The following WNK2 variants were observed in gnomAD, a reference collection of about 807,000 sequenced individuals.
WNK2 encodes the protein WNK lysine deficient protein kinase 2, also known as serine/threonine-protein kinase WNK2.
In WNK2, 67 loss-of-function variants were observed where a neutral mutation model predicts 192.1. The observed-to-expected ratio is 0.35, with a 90% CI of 0.29 to 0.43. The LOEUF (loss-of-function observed/expected upper bound fraction) is 0.43. WNK2 is among the 20% of genes least tolerant of loss of function. WNK2 has a pLI of 1.00. For missense variants in WNK2, 2,698 were observed against 3,089.7 expected, an observed-to-expected ratio of 0.87 and a Z score of 3.01; for synonymous variants, 1,439 against 1,393.9, an observed-to-expected ratio of 1.03 and a Z score of -0.72.
At chr9:93,201,483 C>T (rs1425773850) in intron 2 of WNK2, among the ~76,000 whole-genome samples, 2 of 152,246 alleles carry the variant, frequency 1.3e-5, no homozygotes, top group Non-Finnish European at 2.9e-5. Flanking sequence ...GCTCATTCTT[C>T]CTGCTGTAGA....
At chr9:93,256,549 C>G (rs1280998242) in intron 10 of WNK2, 95 bp downstream of exon 10, 2 of 1,365,940 alleles carry the variant, frequency 1.5e-6, no homozygotes, top group Admixed American at 5.8e-5. Context: ...TCCCACAGAC[C>G]CTTCGCTCAA....
intron 2 of WNK2, among the ~76,000 whole-genome samples, chr9:93,203,049 G>A (rs1297473761): frequency 1.3e-5 from 2 of 151,754 alleles, no homozygotes; most frequent in Non-Finnish European, 2.9e-5. Flanking sequence ...GGGGGGCATG[G>A]GATGCTCAGA....
chr9:93,319,006 C>A, intron 29 of WNK2: 1 of 1,516,066 alleles, frequency 6.6e-7, no homozygotes, highest in South Asian at 1.3e-5. Context: ...TATGCAGAAT[C>A]TTCTGCCAGG....
intron 2 of WNK2, among the ~76,000 whole-genome samples, chr9:93,201,850 C>A (rs921053507): frequency 1.3e-5 from 2 of 152,234 alleles, no homozygotes; most frequent in Non-Finnish European, 2.9e-5. Context: ...GACATTGGAA[C>A]GTTCCAGCCC....
intron 2 of WNK2, among the ~76,000 whole-genome samples, chr9:93,226,757 G>A (rs1837886989): frequency 6.6e-6 from 1 of 152,112 alleles, no homozygotes; most frequent in South Asian, 2.1e-4. Context: ...CTTTTGTTCA[G>A]TCCTATGCTT....
intron 2 of WNK2, among the ~76,000 whole-genome samples, chr9:93,209,415 C>A (rs1157904415): frequency 6.6e-6 from 1 of 152,174 alleles, no homozygotes; most frequent in Non-Finnish European, 1.5e-5. Flanking sequence ...ACACCTCAGC[C>A]CTTGTGTGCC....
chr9:93,264,089 T>A, intron 16 of WNK2, 56 bp downstream of exon 16: 1 of 1,336,332 alleles, frequency 7.5e-7, no homozygotes, highest in South Asian at 1.2e-5. Context: ...CGTGTGGGCC[T>A]GAGCAGAGCG....
chr9:93,212,043 T>C (rs1300253731), intron 2 of WNK2, among the ~76,000 whole-genome samples: 1 of 152,220 alleles, frequency 6.6e-6, no homozygotes, highest in Admixed American at 6.5e-5. Flanking sequence ...ATTTACTCAT[T>C]CACTCTTTTG....
In WNK2 at chr9:93,289,157, C is replaced by T. The variant is rs1338197093; in HGVS notation, c.4403C>T (p.Ala1468Val). ...CCAGAGGCTGCCTCAACCAGGGACG[C>T]CAGTGCCCCAAGGGAGCCCCTGCCA... ...PAPEAASTRDASAPREPLPPP... is the reference protein window; with the variant it reads ...PAPEAASTRDVSAPREPLPPP... Residue 1468 changes from alanine (A) to valine (V), a missense_variant, in exon 20 of 30, where the codon GCC becomes GTC. Coordinates refer to ENST00000427277, the MANE Select transcript of WNK2 (RefSeq NM_006648.4). 3.1e-6 allele frequency: 5 copies of T among 1,600,274 alleles called. No individual in the cohort carries two copies. Among genetic ancestry groups the T allele is most frequent in the Non-Finnish European group, 8.5e-7 (1 of 1,173,988 alleles).
intron 3 of WNK2, 37 bp from the exon 4 acceptor site, chr9:93,230,851 G>A (rs145428759): frequency 1.9e-6 from 3 of 1,591,410 alleles, no homozygotes; most frequent in East Asian, 4.5e-5. Context: ...CGCTGCCGGC[G>A]AGCTGCTTGG....
chr9:93,197,853 C>T (rs772636316), intron 2 of WNK2, among the ~76,000 whole-genome samples: 13 of 152,160 alleles, frequency 8.5e-5, no homozygotes, highest in Non-Finnish European at 1.5e-4. Context: ...CGTGTGAGGT[C>T]GTGCATTCCT....
chr9:93,237,630 C>G (rs1199359444), intron 5 of WNK2, among the ~76,000 whole-genome samples: 1 of 152,204 alleles, frequency 6.6e-6, no homozygotes, highest in Non-Finnish European at 1.5e-5. Context: ...GCTGGCTTTT[C>G]TGCAAGGTCG....
At chr9:93,207,890 C>T (rs779767952) in intron 2 of WNK2, among the ~76,000 whole-genome samples, 15 of 152,212 alleles carry the variant, frequency 9.9e-5, no homozygotes, top group Admixed American at 5.2e-4. Flanking sequence ...CCACCGTTCT[C>T]GTTCACAGTT....
chr9:93,212,038 C>T (rs1310231407), intron 2 of WNK2, among the ~76,000 whole-genome samples: 1 of 152,224 alleles, frequency 6.6e-6, no homozygotes, highest in African/African-American at 2.4e-5. Flanking sequence ...CACTCATTTA[C>T]TCATTCACTC....
intron 28 of WNK2, among the ~76,000 whole-genome samples, chr9:93,313,490 C>G (rs1854036215): frequency 6.7e-6 from 1 of 149,954 alleles, no homozygotes; most frequent in South Asian, 2.1e-4. Flanking sequence ...GCTCTTTGTC[C>G]TAGTTTTTCT....
chr9:93,256,794 G>T, intron 10 of WNK2, 154 bp from the exon 11 acceptor site: 1 of 750,758 alleles, frequency 1.3e-6, no homozygotes, highest in South Asian at 1.9e-5. Context: ...GTATACGTGT[G>T]ACTGTGCAAG....
At chr9:93,291,032 A>G (rs1033150384) in intron 21 of WNK2, among the ~76,000 whole-genome samples, 8 of 152,156 alleles carry the variant, frequency 5.3e-5, no homozygotes, top group African/African-American at 1.9e-4. Flanking sequence ...CCCAGGCCAC[A>G]TTTATTTCTA....
intron 3 of WNK2, 21 bp from the exon 4 acceptor site, chr9:93,230,867 T>TCG (rs1438025066): frequency 3.1e-6 from 5 of 1,605,412 alleles, no homozygotes; most frequent in Admixed American, 3.4e-5. Context: ...CTTGGTGAGC[T>TCG]GTGCCCGTGA....
At chr9:93,266,789 G>A (rs748437206) in intron 16 of WNK2, among the ~76,000 whole-genome samples, 5 of 152,198 alleles carry the variant, frequency 3.3e-5, no homozygotes, top group Non-Finnish European at 7.3e-5. Flanking sequence ...TTATAGTAGG[G>A]CAGATGTGCC....
Sources: gnomAD v4.1 joint callset for allele counts (sites outside exome capture counted in the v4.1 genomes callset) on GRCh38, gnomAD v4.1.1 for gene constraint, MANE v1.5 for transcripts, NCBI Gene and HGNC (gene_info 2026-07-23, HGNC 2026-07-21) for gene names.